Variants in EFCAB13 observed in about 807,000 individuals in gnomAD.
The protein encoded by EFCAB13 is EF-hand calcium binding domain 13.
Under a neutral mutation model 110.2 loss-of-function variants are expected in EFCAB13, and 91 were observed. The ratio of observed to expected loss-of-function variants is 0.83; its 90% CI spans 0.70 to 0.98. The LOEUF is 0.98. Ranked by LOEUF, EFCAB13 falls within the 50% of genes least tolerant of loss-of-function variation. The pLI is 0.00. For synonymous variants in EFCAB13, 323 were observed against 369.9 expected, an observed-to-expected ratio of 0.87 and a Z score of 1.45; for missense variants, 968 against 1,119.4, an observed-to-expected ratio of 0.86 and a Z score of 1.93.
At chr17:47,364,054 CA>C (rs2065531852) in intron 10 of EFCAB13, among the ~76,000 whole-genome samples, 1 of 152,154 alleles carries the variant, frequency 6.6e-6, no homozygotes, top group South Asian at 2.1e-4. Context: ...CCTGGGTCTC[CA>C]GGTCTCCTGC....
intron 23 of EFCAB13, among the ~76,000 whole-genome samples, chr17:47,421,571 G>GTA (rs1904710591): frequency 7.0e-6 from 1 of 142,496 alleles, no homozygotes; most frequent in Non-Finnish European, 1.5e-5. Context: ...CTCCACTATT[G>GTA]TCCTATGACC....
intron 17 of EFCAB13, among the ~76,000 whole-genome samples, chr17:47,401,811 A>C (rs1309655573): frequency 6.6e-6 from 1 of 151,752 alleles, no homozygotes; most frequent in Non-Finnish European, 1.5e-5. Flanking sequence ...CACCCGGCTA[A>C]TTTTTGTATT....
chr17:47,429,936 A>G lies in EFCAB13; in HGVS notation c.2613A>G (p.Val871=). 1 of 1,609,206 alleles carries G rather than the reference A, an allele frequency of 6.2e-7. No individual in the cohort carries two copies. The highest frequency in any genetic ancestry group is 8.5e-7 in the Non-Finnish European group (1 of 1,177,024). ...ATACAGCTAATGCTATACTTACTGT[A>G]ATGTTAAGACATGTACCTGAACATG... is the stretch of plus-strand genomic sequence containing the variant. The part of the protein sequence containing the change: ...DLHTANAILT[V]MLRHVPEHES... Residue 871 remains valine (V), a synonymous_variant, in exon 24 of 25, where the codon GTA becomes GTG. Coordinates refer to ENST00000331493, the MANE Select transcript of EFCAB13 (RefSeq NM_152347.5).
chr17:47,440,214 G>A (rs551654377), intron 24 of EFCAB13, among the ~76,000 whole-genome samples: 1 of 152,170 alleles, frequency 6.6e-6, no homozygotes, highest in South Asian at 2.1e-4. Flanking sequence ...AATAATAAAG[G>A]TATTAGTTAA....
chr17:47,423,571 G>C (rs1904803782), intron 23 of EFCAB13: 1 of 322,234 alleles, frequency 3.1e-6, no homozygotes, highest in Non-Finnish European at 5.6e-6. Context: ...CCGAGGGAAC[G>C]CCTTTGTGCC....
chr17:47,370,984 C>T (rs988989291), intron 11 of EFCAB13, among the ~76,000 whole-genome samples: 2 of 151,212 alleles, frequency 1.3e-5, no homozygotes, highest in Non-Finnish European at 2.9e-5. Flanking sequence ...AGGTGATCCA[C>T]CTGCCTCAGC....
chr17:47,354,419 G>C (rs1330543017), intron 9 of EFCAB13, among the ~76,000 whole-genome samples: 1 of 152,068 alleles, frequency 6.6e-6, no homozygotes, highest in African/African-American at 2.4e-5. Flanking sequence ...TAAGTCCATT[G>C]TTTCTTTGTT....
At chr17:47,411,366 C>T (rs1355786109) in intron 21 of EFCAB13, among the ~76,000 whole-genome samples, 3 of 152,096 alleles carry the variant, frequency 2.0e-5, no homozygotes, top group Non-Finnish European at 4.4e-5. Context: ...CTGACATTTC[C>T]CCCCCAAACT....
chr17:47,342,082 G>A (rs560451526), intron 6 of EFCAB13, 50 bp downstream of exon 6: 22 of 1,079,974 alleles, frequency 2.0e-5, no homozygotes, highest in Admixed American at 5.0e-5. Context: ...ATTTTCCTTA[G>A]CCCTCAAACA....
chr17:47,343,117 G>C (rs1044924677), intron 6 of EFCAB13, among the ~76,000 whole-genome samples: 1 of 152,048 alleles, frequency 6.6e-6, no homozygotes, highest in African/African-American at 2.4e-5. Flanking sequence ...ATGTTAACTT[G>C]TTCTTTGGGT....
At chr17:47,347,298 G>A (rs1452249278) in intron 8 of EFCAB13, among the ~76,000 whole-genome samples, 2 of 152,026 alleles carry the variant, frequency 1.3e-5, no homozygotes, top group African/African-American at 2.4e-5. Context: ...AACAAAAATA[G>A]CACTATCATC....
At chr17:47,420,968 C>A (rs557670711) in intron 23 of EFCAB13, among the ~76,000 whole-genome samples, 2 of 148,472 alleles carry the variant, frequency 1.3e-5, no homozygotes, top group Admixed American at 6.7e-5. Flanking sequence ...CCCAGCCAGC[C>A]GCCCCGTCCG....
chr17:47,388,623 T>C (rs2065689403), intron 14 of EFCAB13, among the ~76,000 whole-genome samples: 1 of 152,190 alleles, frequency 6.6e-6, no homozygotes, highest in Non-Finnish European at 1.5e-5. Context: ...TATTATATTG[T>C]ATGGATATTC....
intron 23 of EFCAB13, among the ~76,000 whole-genome samples, chr17:47,424,546 C>G (rs1904861772): frequency 6.6e-6 from 1 of 152,166 alleles, no homozygotes; most frequent in South Asian, 2.1e-4. Flanking sequence ...ACTTATTTCT[C>G]TCTGGAAGAC....
At chr17:47,409,811 T>G in intron 21 of EFCAB13, 120 bp downstream of exon 21, 2 of 751,662 alleles carry the variant, frequency 2.7e-6, no homozygotes, top group Non-Finnish European at 4.6e-6. Context: ...TTACTATTTT[T>G]CCACAATAGT....
intron 10 of EFCAB13, among the ~76,000 whole-genome samples, chr17:47,368,944 A>G (rs554960214): frequency 1.3e-5 from 2 of 152,200 alleles, no homozygotes; most frequent in African/African-American, 2.4e-5. Flanking sequence ...TCTTCCAGCA[A>G]TTTCCCACTT....
At position 47,375,105 on chromosome 17, in the gene EFCAB13, T is replaced by C. The variant is rs1201005025; in HGVS notation, c.1372+139T>C. 5 of 1,066,686 alleles carry C rather than the reference T, an allele frequency of 4.7e-6. No homozygotes were observed. The African/African-American group carries it at 6.7e-5, about 14-fold the overall frequency. 66.1% of individuals were successfully genotyped at this position (1,066,686 alleles called of 1,614,324 possible). A position where few individuals can be genotyped will look rare whatever the true frequency, so the allele number is the denominator to read the frequency against. On this transcript the variant is annotated intron_variant, in intron 12 of 24. Transcript: ENST00000331493. ...CTTCTTTTTTTTTTAATTTTTAAAT[T>C]ATTTATAGAGACAGGGTTACCCAGG... is the stretch of plus-strand genomic sequence containing the variant.
chr17:47,436,614 A>G (rs185207531), intron 24 of EFCAB13, among the ~76,000 whole-genome samples: 230 of 152,058 alleles, frequency 1.5e-3, no homozygotes, highest in South Asian at 3.5e-3. Flanking sequence ...GTCAGTTGTA[A>G]TATCTCCTGT....
rs1285586498 is a variant in EFCAB13, at chr17:47,393,430, A to G, written c.1727-595A>G. Among the ~76,000 whole-genome samples the G allele has an allele frequency of 2.6e-5, 4 of 152,330 alleles. No individual in the cohort carries two copies. In the South Asian group the frequency reaches 8.3e-4, roughly 32 times the overall value. ...CCAGGAAGCATATTCAAGAATGTAC[A>G]TGGCAGCACTGATCTTAATGGCAAA... On this transcript the variant is annotated intron_variant, in intron 15 of 24. Transcript: ENST00000331493.
Sources: gnomAD v4.1 joint callset for allele counts (sites outside exome capture counted in the v4.1 genomes callset) on GRCh38, gnomAD v4.1.1 for gene constraint, MANE v1.5 for transcripts, NCBI Gene and HGNC (gene_info 2026-07-23, HGNC 2026-07-21) for gene names.